CSMD1: variants seen among roughly 807,000 people sequenced by gnomAD.
The protein encoded by CSMD1 is CUB and Sushi multiple domains 1, also known as CUB and sushi domain-containing protein 1.
In CSMD1, 213 loss-of-function variants were observed where a neutral mutation model predicts 417.5. That is an observed-to-expected ratio of 0.51 (90% CI 0.46 to 0.57). The LOEUF (loss-of-function observed/expected upper bound fraction) is 0.57, where lower values mean the gene tolerates loss of function less well. Ranked by LOEUF, CSMD1 falls within the 20% of genes least tolerant of loss-of-function variation. The pLI is 0.00. For missense variants in CSMD1, 6,923 were observed against 4,529.7 expected, an observed-to-expected ratio of 1.53 and a Z score of -15.17; for synonymous variants, 2,862 against 1,736.8, an observed-to-expected ratio of 1.65 and a Z score of -16.11.
At chr8:3,802,510 T>C (rs1480339949) in intron 5 of CSMD1, among the ~76,000 whole-genome samples, 2 of 152,196 alleles carry the variant, frequency 1.3e-5, no homozygotes, top group Non-Finnish European at 2.9e-5. Flanking sequence ...GAGGTCACTT[T>C]CTAAGCTCAG....
At chr8:3,850,329 C>G (rs533483651) in intron 5 of CSMD1, among the ~76,000 whole-genome samples, 1 of 147,652 alleles carries the variant, frequency 6.8e-6, no homozygotes, top group African/African-American at 2.4e-5. Context: ...TAGGGTCTCA[C>G]CCCTGACTCT....
chr8:4,931,615 C>T (rs944239222), intron 1 of CSMD1, among the ~76,000 whole-genome samples: 3 of 152,124 alleles, frequency 2.0e-5, no homozygotes, highest in South Asian at 2.1e-4. Context: ...CTAGCTGTGT[C>T]CTGCAACCAT....
At chr8:4,049,632 A>G (rs551580945) in intron 3 of CSMD1, among the ~76,000 whole-genome samples, 4 of 152,254 alleles carry the variant, frequency 2.6e-5, no homozygotes, top group Admixed American at 2.6e-4. Flanking sequence ...TGTAAGTTGC[A>G]TAAAATAACA....
At chr8:3,257,362 C>A (rs374462329) in intron 26 of CSMD1, among the ~76,000 whole-genome samples, 1 of 152,228 alleles carries the variant, frequency 6.6e-6, no homozygotes, top group Admixed American at 6.5e-5. Flanking sequence ...TACTGCATGT[C>A]AGTTCTACTC....
chr8:4,670,881 G>A (rs946158316), intron 1 of CSMD1, among the ~76,000 whole-genome samples: 3 of 152,078 alleles, frequency 2.0e-5, no homozygotes, highest in African/African-American at 7.2e-5. Context: ...TTTTGATGGG[G>A]GTACTTTAAC....
rs540604197 is a variant in CSMD1, at chr8:4,613,127, C to A, written c.302+24215G>T. Among the ~76,000 whole-genome samples, 24 of 152,274 alleles carry A rather than the reference C, an allele frequency of 1.6e-4. No individual in the cohort carries two copies. In the South Asian group the frequency reaches 5.0e-3, roughly 32 times the overall value. ...TGCACACACACACAGGTACACAATT[C>A]TAAACACGAGCTGATTGCTCTTCCC... On this transcript the variant is annotated intron_variant, in intron 2 of 69. Transcript: ENST00000635120.
chr8:3,290,927 GT>G (rs1803510220), intron 25 of CSMD1, among the ~76,000 whole-genome samples: 1 of 152,114 alleles, frequency 6.6e-6, no homozygotes, highest in South Asian at 2.1e-4. Context: ...AATGCTTCCA[GT>G]TTTTCCCATT....
At position 3,112,414 on chromosome 8, in the gene CSMD1, A is replaced by C. The variant is rs182485384; in HGVS notation, c.6431-2079T>G. On this transcript the variant is annotated intron_variant, in intron 42 of 69. Coordinates refer to ENST00000635120, the MANE Select transcript of CSMD1 (RefSeq NM_033225.6). ...CTTCCTGTTGGGAAAACAAAACAAA[A>C]AGCCATCGTTCCCACCTCTTAAAGG... Among the ~76,000 whole-genome samples, 271 of 152,172 alleles carry C rather than the reference A, an allele frequency of 1.8e-3. 1 individual carries two copies. Among genetic ancestry groups the C allele is most frequent in the Admixed American group, 5.8e-3 (89 of 15,296 alleles).
At chr8:4,161,631 A>C (rs915466236) in intron 3 of CSMD1, among the ~76,000 whole-genome samples, 16 of 152,178 alleles carry the variant, frequency 1.1e-4, no homozygotes, top group African/African-American at 3.9e-4. Flanking sequence ...AAAATGTCAA[A>C]AGTTTAATGT....
intron 5 of CSMD1, among the ~76,000 whole-genome samples, chr8:3,901,028 C>G (rs1175201789): frequency 6.6e-6 from 1 of 152,136 alleles, no homozygotes; most frequent in African/African-American, 2.4e-5. Context: ...ATTGACATTA[C>G]TTTGGTAATA....
At chr8:3,449,677 C>T (rs1398543284) in intron 12 of CSMD1, among the ~76,000 whole-genome samples, 3 of 152,068 alleles carry the variant, frequency 2.0e-5, no homozygotes, top group Non-Finnish European at 4.4e-5. Context: ...GCAACCATGC[C>T]TGGCTAATTT....
chr8:3,220,165 A>G (rs1374013153), intron 28 of CSMD1, among the ~76,000 whole-genome samples: 1 of 151,434 alleles, frequency 6.6e-6, no homozygotes, highest in Non-Finnish European at 1.5e-5. Flanking sequence ...AAAAAAAAAG[A>G]CTCCACTTGC....
rs779691619 is a variant in CSMD1, at chr8:3,468,740, G to A, written c.1533C>T (p.Gly511=). 1.2e-6 allele frequency: 2 copies of A among 1,605,702 alleles called. No homozygotes were observed. Among genetic ancestry groups the A allele is most frequent in the Middle Eastern group, 1.7e-4 (1 of 6,046 alleles). The change falls in exon 12 of 70, where the codon GGC becomes GGT. Residue 511 remains glycine (G), a synonymous_variant. Transcript: ENST00000635120. The stretch of plus-strand genomic sequence containing the variant: ...GGTAAACAGCTTTAAACCCAGGTGA[G>A]CCAATGCTATCATCCGACTGCAGAT... ...WLHLQSDDSI[G]SPGFKAVYQE...
Position 4,588,926 on chromosome 8 carries a change from C to A in CSMD1, c.302+48416G>T, listed in dbSNP as rs539065710. On this transcript the variant is annotated intron_variant, in intron 2 of 69. Transcript: ENST00000635120. ...TGCCCTTTCACTTGGAAAAAATATA[C>A]ATACACATATACATTGCCTTTAAGT... Among the ~76,000 whole-genome samples the A allele has an allele frequency of 2.4e-3, 366 of 152,180 alleles. 5 individuals are homozygous for A. Among genetic ancestry groups the A allele is most frequent in the Non-Finnish European group, 7.4e-4 (50 of 68,014 alleles).
chr8:4,204,506 T>C (rs139237569), intron 3 of CSMD1, among the ~76,000 whole-genome samples: 2 of 152,174 alleles, frequency 1.3e-5, no homozygotes, highest in African/African-American at 4.8e-5. Flanking sequence ...CAGATTCAAT[T>C]TCCATAATTT....
intron 1 of CSMD1, among the ~76,000 whole-genome samples, chr8:4,942,596 C>A (rs1808082023): frequency 6.6e-6 from 1 of 152,200 alleles, no homozygotes; most frequent in South Asian, 2.1e-4. Flanking sequence ...ATGACTAAGT[C>A]ATCAAGAACT....
At chr8:3,298,546 C>A (rs1356678149) in intron 25 of CSMD1, among the ~76,000 whole-genome samples, 1 of 152,156 alleles carries the variant, frequency 6.6e-6, no homozygotes, top group African/African-American at 2.4e-5. Context: ...CTCTGCCTCC[C>A]AGGCTCAAGC....
chr8:3,727,040 A>C (rs1226380854), intron 6 of CSMD1, among the ~76,000 whole-genome samples: 1 of 152,160 alleles, frequency 6.6e-6, no homozygotes, highest in African/African-American at 2.4e-5. Flanking sequence ...TTAGTTACTA[A>C]TGGTAGCTAT....
chr8:4,675,697 T>C (rs185636996), intron 1 of CSMD1, among the ~76,000 whole-genome samples: 31 of 152,334 alleles, frequency 2.0e-4, no homozygotes, highest in Admixed American at 6.5e-4. Context: ...CCAAGAGTTA[T>C]ATTTGGTATT....
Sources: gnomAD v4.1 joint callset for allele counts (sites outside exome capture counted in the v4.1 genomes callset) on GRCh38, gnomAD v4.1.1 for gene constraint, MANE v1.5 for transcripts, NCBI Gene and HGNC (gene_info 2026-07-23, HGNC 2026-07-21) for gene names.